Variants in MEI4 observed in about 807,000 individuals in gnomAD.
MEI4 encodes meiotic double-stranded break formation protein 4, also known as meiosis-specific protein MEI4.
MEI4 carries 27 observed loss-of-function variants against 31.4 expected under a neutral mutation model. That is an observed-to-expected ratio of 0.86 (90% CI 0.63 to 1.19). The LOEUF (loss-of-function observed/expected upper bound fraction) is 1.19. Ranked by LOEUF, MEI4 falls within the 50% of genes most tolerant of loss-of-function variation. The pLI is 0.00. For missense variants in MEI4, 329 were observed against 398.9 expected (o/e 0.82, Z 1.49); for synonymous variants, 122 against 145.4 (o/e 0.84, Z 1.16).
chr6:77,873,040 T>C (rs914664967), intron 4 of MEI4, among the ~76,000 whole-genome samples: 3 of 151,794 alleles, frequency 2.0e-5, no homozygotes, highest in Admixed American at 6.6e-5. Context: ...GCAATAAACA[T>C]ACGTGTGCAT....
At chr6:77,746,294 C>T (rs549120143) in intron 2 of MEI4, among the ~76,000 whole-genome samples, 1 of 152,206 alleles carries the variant, frequency 6.6e-6, no homozygotes, top group South Asian at 2.1e-4. Flanking sequence ...AATGTGTTTT[C>T]AGATAAGATT....
chr6:77,759,204 T>C (rs1190807050), intron 2 of MEI4, among the ~76,000 whole-genome samples: 1 of 152,174 alleles, frequency 6.6e-6, no homozygotes, highest in Non-Finnish European at 1.5e-5. Context: ...GACACAATCA[T>C]TTTTTCTTGT....
intron 3 of MEI4, among the ~76,000 whole-genome samples, chr6:77,762,380 T>C (rs1768065711): frequency 6.6e-6 from 1 of 152,202 alleles, no homozygotes; most frequent in Non-Finnish European, 1.5e-5. Context: ...TGAGACATGA[T>C]AGAGAATTTC....
chr6:77,908,068 A>G (rs1003842947), intron 4 of MEI4, among the ~76,000 whole-genome samples: 4 of 150,812 alleles, frequency 2.7e-5, no homozygotes, highest in Non-Finnish European at 5.9e-5. Flanking sequence ...AGATGAGTAG[A>G]TTGCAAAAAT....
At chr6:77,810,747 A>G (rs1264157917) in intron 3 of MEI4, among the ~76,000 whole-genome samples, 4 of 152,202 alleles carry the variant, frequency 2.6e-5, no homozygotes, top group Non-Finnish European at 5.9e-5. Flanking sequence ...AATAGCCACA[A>G]AATATACAAG....
chr6:77,695,622 T>A (rs1178366305), intron 2 of MEI4, among the ~76,000 whole-genome samples: 1 of 152,204 alleles, frequency 6.6e-6, no homozygotes, highest in African/African-American at 2.4e-5. Context: ...CATTGATCTA[T>A]ATCTCTGTTT....
chr6:77,819,385 G>T (rs1311914516), intron 3 of MEI4, among the ~76,000 whole-genome samples: 1 of 151,828 alleles, frequency 6.6e-6, no homozygotes, highest in Non-Finnish European at 1.5e-5. Flanking sequence ...TTTTTATAGA[G>T]ATAATATTTT....
At chr6:77,856,081 A>G (rs530208472) in intron 4 of MEI4, among the ~76,000 whole-genome samples, 2 of 152,240 alleles carry the variant, frequency 1.3e-5, no homozygotes, top group East Asian at 1.9e-4. Context: ...AGAATGCTCT[A>G]TCAAAAACTA....
intron 2 of MEI4, among the ~76,000 whole-genome samples, chr6:77,696,809 T>C (rs1423722966): frequency 6.6e-6 from 1 of 152,150 alleles, no homozygotes; most frequent in Admixed American, 6.5e-5. Flanking sequence ...TCCCTCTTTT[T>C]CTATTGATTG....
intron 2 of MEI4, among the ~76,000 whole-genome samples, chr6:77,727,034 C>T (rs1766843678): frequency 6.6e-6 from 1 of 152,090 alleles, no homozygotes; most frequent in Non-Finnish European, 1.5e-5. Flanking sequence ...AATAAGCCAA[C>T]AATTACAATT....
At chr6:77,673,251 ATAGTAG>A (rs750887781) in intron 1 of MEI4, among the ~76,000 whole-genome samples, 1 of 152,092 alleles carries the variant, frequency 6.6e-6, no homozygotes, top group Non-Finnish European at 1.5e-5. Context: ...TATGGCTGTA[ATAGTAG>A]TAGTAGTAGT....
At chr6:77,666,217 G>T (rs1432370943) in intron 1 of MEI4, among the ~76,000 whole-genome samples, 1 of 151,938 alleles carries the variant, frequency 6.6e-6, no homozygotes, top group Non-Finnish European at 1.5e-5. Flanking sequence ...TCAAGGGTGG[G>T]GAGAATTACA....
At chr6:77,814,486 T>C (rs1167090768) in intron 3 of MEI4, among the ~76,000 whole-genome samples, 1 of 152,106 alleles carries the variant, frequency 6.6e-6, no homozygotes. Context: ...ATTTTCACTT[T>C]CTCAAAGTAT....
At chr6:77,860,081 G>A (rs558060929) in intron 4 of MEI4, among the ~76,000 whole-genome samples, 2 of 152,204 alleles carry the variant, frequency 1.3e-5, no homozygotes, top group South Asian at 4.1e-4. Context: ...TCGCTTATTT[G>A]CTTCTTAGAA....
At chr6:77,735,768 T>C (rs895792512) in intron 2 of MEI4, among the ~76,000 whole-genome samples, 3 of 152,072 alleles carry the variant, frequency 2.0e-5, no homozygotes, top group African/African-American at 4.8e-5. Flanking sequence ...TGTGGTTTTA[T>C]CTATTTTTGG....
intron 4 of MEI4, among the ~76,000 whole-genome samples, chr6:77,841,378 C>T (rs1422221933): frequency 3.8e-5 from 4 of 104,290 alleles, no homozygotes; most frequent in African/African-American, 8.4e-5. Flanking sequence ...TTGCGCTTGT[C>T]GCCCAGGCTG....
chr6:77,839,715 T>G (rs973804425), intron 4 of MEI4, among the ~76,000 whole-genome samples: 1 of 152,186 alleles, frequency 6.6e-6, no homozygotes, highest in Admixed American at 6.6e-5. Context: ...GTTGCCAGTG[T>G]GCCACCTGCT....
At chr6:77,751,011 A>G (rs1017269575) in intron 2 of MEI4, among the ~76,000 whole-genome samples, 3 of 152,230 alleles carry the variant, frequency 2.0e-5, no homozygotes, top group African/African-American at 7.2e-5. Context: ...CTGCTCCTGA[A>G]TGACTACTGG....
At chr6:77,755,760 T>C (rs766773471) in intron 2 of MEI4, among the ~76,000 whole-genome samples, 1 of 152,086 alleles carries the variant, frequency 6.6e-6, no homozygotes, top group African/African-American at 2.4e-5. Context: ...AATTTAGATT[T>C]CTGATCTCCA....
Sources: gnomAD v4.1 joint callset for allele counts (sites outside exome capture counted in the v4.1 genomes callset) on GRCh38, gnomAD v4.1.1 for gene constraint, MANE v1.5 for transcripts, NCBI Gene and HGNC (gene_info 2026-07-23, HGNC 2026-07-21) for gene names.